HERC4: variants seen among roughly 807,000 people sequenced by gnomAD.
The protein encoded by HERC4 is HECT and RLD domain containing E3 ubiquitin protein ligase 4.
In HERC4, 28 loss-of-function variants were observed where a neutral mutation model predicts 124.3. The ratio of observed to expected loss-of-function variants is 0.23; its 90% CI spans 0.17 to 0.31. HERC4 has a LOEUF of 0.31. Among genes scored for constraint, HERC4 ranks in the 10% least tolerant of loss-of-function variants. The pLI, the probability that HERC4 is intolerant of heterozygous loss-of-function variation, is 1.00. For missense variants in HERC4, 713 were observed against 1,229.3 expected, an observed-to-expected ratio of 0.58 and a Z score of 6.28; for synonymous variants, 407 against 421.5, an observed-to-expected ratio of 0.97 and a Z score of 0.42.
chr10:67,935,336 G>C (rs902324376), intron 22 of HERC4, among the ~76,000 whole-genome samples: 2 of 151,962 alleles, frequency 1.3e-5, no homozygotes, highest in Admixed American at 1.3e-4. Flanking sequence ...TAGTAGAGAT[G>C]GGGTTTCACT....
At chr10:68,047,225 C>T (rs1423674573) in intron 3 of HERC4, among the ~76,000 whole-genome samples, 6 of 150,008 alleles carry the variant, frequency 4.0e-5, no homozygotes, top group African/African-American at 1.5e-4. Flanking sequence ...GTCAGTAATT[C>T]GCATGACAAG....
chr10:68,003,876 A>G (rs913711768), intron 9 of HERC4, among the ~76,000 whole-genome samples: 1 of 152,224 alleles, frequency 6.6e-6, no homozygotes, highest in Non-Finnish European at 1.5e-5. Context: ...GTGTATACCC[A>G]GCAATGGATC....
At chr10:68,059,540 ATTATATATCATAATATATATC>A (rs2040763419) in intron 3 of HERC4, among the ~76,000 whole-genome samples, 3 of 111,436 alleles carry the variant, frequency 2.7e-5, no homozygotes, top group Non-Finnish European at 3.5e-5. Flanking sequence ...TATATATCAT[ATTATATATCATAATATATATC>A]ATAATATTAT....
Position 68,032,819 on chromosome 10 carries a change from A to T in HERC4, c.736T>A (p.Tyr246Asn). The change falls in exon 7 of 25, where the codon TAT becomes AAT. Residue 246 changes from tyrosine to asparagine, a missense_variant. Transcript: ENST00000373700. ...GTATGATCTTCTCCACAACAAATAT[A>T]AACTATTTTCTGAGATCTTAGTGAC... ...LKSLRSQKIV[Y>N]ICCGEDHTAA... 1 of 1,587,842 alleles carries T rather than the reference A, an allele frequency of 6.3e-7. No homozygotes were observed. The highest frequency in any genetic ancestry group is 8.6e-7 in the Non-Finnish European group (1 of 1,156,340).
intron 9 of HERC4, among the ~76,000 whole-genome samples, chr10:68,012,853 A>G (rs190548689): frequency 1.3e-5 from 2 of 152,302 alleles, no homozygotes; most frequent in Non-Finnish European, 2.9e-5. Flanking sequence ...AATTCTCGCA[A>G]TATTTCAATA....
chr10:67,940,819 A>T, intron 20 of HERC4, 120 bp downstream of exon 20: 1 of 866,462 alleles, frequency 1.2e-6, no homozygotes, highest in Non-Finnish European at 1.7e-6. Flanking sequence ...GCATTTGTTT[A>T]CTTCAGAAAT....
intron 3 of HERC4, among the ~76,000 whole-genome samples, chr10:68,065,593 C>A (rs2041260399): frequency 6.6e-6 from 1 of 152,108 alleles, no homozygotes; most frequent in Non-Finnish European, 1.5e-5. Context: ...TCTAATAAGG[C>A]CTGGCGTGGT....
Position 67,974,768 on chromosome 10 carries a change from A to G in HERC4, c.1807-7966T>C, listed in dbSNP as rs989956370. Among the ~76,000 whole-genome samples, 3 of 152,240 alleles carry G rather than the reference A, an allele frequency of 2.0e-5. No homozygotes were observed. The East Asian group carries it at 5.8e-4, about 29-fold the overall frequency. ...GAAGTATTCCTAATAGAGAAAGAGA[A>G]CAAACACATATATAACACCATTACC... On this transcript the variant is annotated intron_variant, in intron 15 of 24. Coordinates refer to ENST00000373700, the MANE Select transcript of HERC4 (RefSeq NM_015601.4).
At chr10:67,988,438 T>C (rs530648354) in intron 15 of HERC4, among the ~76,000 whole-genome samples, 1 of 152,238 alleles carries the variant, frequency 6.6e-6, no homozygotes, top group South Asian at 2.1e-4. Context: ...TGCCCAACTA[T>C]GGATAAGTTA....
chr10:67,966,478 G>C (rs937776031), intron 16 of HERC4: 124 of 440,284 alleles, frequency 2.8e-4, no homozygotes, highest in Non-Finnish European at 4.7e-5. Flanking sequence ...CATTTCTTTG[G>C]TTTGGCTTTG....
chr10:67,952,650 G>A (rs2033875900), intron 19 of HERC4, among the ~76,000 whole-genome samples: 1 of 151,862 alleles, frequency 6.6e-6, no homozygotes, highest in South Asian at 2.1e-4. Flanking sequence ...TGTAATCCCA[G>A]CACTTTGGAA....
At chr10:67,995,350 T>C in intron 9 of HERC4, 2 of 282,814 alleles carry the variant, frequency 7.1e-6, no homozygotes, top group Non-Finnish European at 1.3e-5. Flanking sequence ...AAGCATTAGT[T>C]TCTCCCTATT....
intron 3 of HERC4, among the ~76,000 whole-genome samples, chr10:68,055,518 A>G (rs2040505194): frequency 1.3e-5 from 2 of 152,188 alleles, no homozygotes; most frequent in Non-Finnish European, 2.9e-5. Flanking sequence ...TAACGTATAT[A>G]AAGAGCTTAT....
At chr10:68,026,972 C>T (rs2038935747) in intron 7 of HERC4, among the ~76,000 whole-genome samples, 1 of 152,130 alleles carries the variant, frequency 6.6e-6, no homozygotes, top group South Asian at 2.1e-4. Flanking sequence ...GCACTCCAAC[C>T]TGGGCAACAA....
intron 3 of HERC4, chr10:68,070,173 T>G (rs1018740830): frequency 2.0e-5 from 20 of 984,770 alleles, no homozygotes; most frequent in Non-Finnish European, 2.2e-5. Context: ...ATCCAACAAC[T>G]TTTTATCTTT....
At chr10:68,063,907 C>T (rs1429218460) in intron 3 of HERC4, among the ~76,000 whole-genome samples, 1 of 152,236 alleles carries the variant, frequency 6.6e-6, no homozygotes, top group Admixed American at 6.5e-5. Flanking sequence ...CCATTGCACT[C>T]CAGCCTGGGC....
At chr10:68,023,250 A>G (rs1374891414) in intron 8 of HERC4, among the ~76,000 whole-genome samples, 3 of 152,222 alleles carry the variant, frequency 2.0e-5, no homozygotes, top group Non-Finnish European at 4.4e-5. Flanking sequence ...TCATGTTCAT[A>G]GCAACAATAT....
Position 68,032,831 on chromosome 10 carries a change from G to T in HERC4, c.724C>A (p.Gln242Lys). Residue 242 changes from glutamine to lysine, a missense_variant, in exon 7 of 25, where the codon CAG (glutamine) becomes AAG (lysine). Gln to Lys is a moderately conservative substitution (Grantham distance 53, BLOSUM62 1). Transcript: ENST00000373700. ...VPNLLKSLRSQKIVYICCGED... is the reference protein window; with the variant it reads ...VPNLLKSLRSKKIVYICCGED... Reference sequence around the variant, plus strand: ...CCACAACAAATATAAACTATTTTCTGAGATCTTAGTGACTTTAGTAAATTA... The same window carrying T: ...CCACAACAAATATAAACTATTTTCTTAGATCTTAGTGACTTTAGTAAATTA... 1.3e-6 allele frequency: 2 copies of T among 1,581,076 alleles called. No homozygotes were observed. The highest frequency in any genetic ancestry group is 1.7e-6 in the Non-Finnish European group (2 of 1,150,224).
chr10:68,026,186 C>T (rs1269598426), intron 7 of HERC4, among the ~76,000 whole-genome samples: 2 of 152,138 alleles, frequency 1.3e-5, no homozygotes, highest in Admixed American at 1.3e-4. Flanking sequence ...GCCTCAACCT[C>T]GTGGGCTCAG....
Sources: gnomAD v4.1 joint callset for allele counts (sites outside exome capture counted in the v4.1 genomes callset) on GRCh38, gnomAD v4.1.1 for gene constraint, MANE v1.5 for transcripts, NCBI Gene and HGNC (gene_info 2026-07-23, HGNC 2026-07-21) for gene names.